Variants in CHD1L observed in about 807,000 individuals in gnomAD.
CHD1L encodes chromodomain helicase DNA binding protein 1 like.
In CHD1L, 118 loss-of-function variants were observed where a neutral mutation model predicts 115.9. The observed-to-expected ratio is 1.02, with a 90% confidence interval of 0.88 to 1.19. CHD1L has a LOEUF of 1.19. Ranked by LOEUF, CHD1L falls within the 50% of genes most tolerant of loss-of-function variation. The probability of loss-of-function intolerance (pLI) is 0.00; values close to 1 mark genes in which losing one functional copy is unlikely to be tolerated. For missense variants in CHD1L, 1,179 were observed against 1,065.3 expected, an observed-to-expected ratio of 1.11 and a Z score of -1.49; for synonymous variants, 411 against 387.1, an observed-to-expected ratio of 1.06 and a Z score of -0.72.
the CHD1L span, chr1:147,179,486 C>T: frequency 6.4e-7 from 1 of 1,572,586 alleles, no homozygotes; most frequent in Non-Finnish European, 8.8e-7. Context: ...TCTCTCCAGC[C>T]AACAAGAAGC....
intron 12 of CHD1L, among the ~76,000 whole-genome samples, chr1:147,275,041 A>G (rs936849951): frequency 3.2e-4 from 49 of 152,288 alleles, no homozygotes; most frequent in African/African-American, 1.2e-3. Flanking sequence ...AATCTAATCA[A>G]GGTTTTTAAG....
chr1:147,184,374 A>G, the CHD1L span: 1 of 1,104,308 alleles, frequency 9.1e-7, no homozygotes, highest in South Asian at 2.8e-5. This position sits in a 1 kb window ranked among gnomAD's most constrained non-coding sequence, Gnocchi z 4.4. Context: ...CAACTAATAA[A>G]CCAATATTGA....
chr1:147,174,000 A>G, the CHD1L span, among the ~76,000 whole-genome samples: 1 of 152,238 alleles, frequency 6.6e-6, no homozygotes, highest in African/African-American at 2.4e-5. Flanking sequence ...GGGAACCCCA[A>G]GTTACATAGG....
At chr1:147,232,808 G>T in the CHD1L span, among the ~76,000 whole-genome samples, 1 of 152,170 alleles carries the variant, frequency 6.6e-6, no homozygotes, top group Admixed American at 6.5e-5. Flanking sequence ...GTGCTCAATG[G>T]TGCCCAGGCT....
At chr1:147,184,754 C>T in the CHD1L span, 43 of 1,185,662 alleles carry the variant, frequency 3.6e-5, no homozygotes, top group African/African-American at 3.2e-5. The surrounding 1 kb of genome is among the most constrained non-coding windows in gnomAD (Gnocchi z 4.4). Context: ...ATAACCTAGC[C>T]GAGATAGTGT....
the CHD1L span, chr1:147,224,137 C>T: frequency 3.2e-6 from 1 of 311,184 alleles, no homozygotes; most frequent in Non-Finnish European, 6.4e-6. Flanking sequence ...GTCTAGTCCA[C>T]AGGAAGACCT....
chr1:147,216,417 T>G, the CHD1L span, among the ~76,000 whole-genome samples: 2 of 152,116 alleles, frequency 1.3e-5, no homozygotes, highest in Non-Finnish European at 2.9e-5. Context: ...CACTGAGTAA[T>G]AGTCTTTTAA....
At chr1:147,247,182 T>G (rs1666890591) in intron 1 of CHD1L, among the ~76,000 whole-genome samples, 1 of 152,226 alleles carries the variant, frequency 6.6e-6, no homozygotes, top group Non-Finnish European at 1.5e-5. Flanking sequence ...TCAGAGAACA[T>G]ACTCTGTACA....
chr1:147,178,761 G>A, the CHD1L span: 2 of 1,599,170 alleles, frequency 1.3e-6, no homozygotes, highest in African/African-American at 1.3e-5. Context: ...ACAAGTTGGA[G>A]GACAAGACTG....
At chr1:147,277,568 G>C (rs1426658167) in intron 14 of CHD1L, among the ~76,000 whole-genome samples, 1 of 152,102 alleles carries the variant, frequency 6.6e-6, no homozygotes, top group Non-Finnish European at 1.5e-5. Context: ...TATCTTAGGG[G>C]GTAGGTGTGG....
the CHD1L span, among the ~76,000 whole-genome samples, chr1:147,203,089 T>C: frequency 6.7e-6 from 1 of 148,770 alleles, no homozygotes; most frequent in Admixed American, 6.9e-5. Flanking sequence ...ATTCCATACT[T>C]TTTATTTAGT....
chr1:147,245,850 C>T (rs922719074), intron 1 of CHD1L, among the ~76,000 whole-genome samples: 2 of 152,106 alleles, frequency 1.3e-5, no homozygotes, highest in African/African-American at 2.4e-5. Flanking sequence ...AGAAATAATA[C>T]GGAAGGATCC....
chr1:147,192,890 G>C, the CHD1L span, among the ~76,000 whole-genome samples: 1 of 152,154 alleles, frequency 6.6e-6, no homozygotes, highest in Non-Finnish European at 1.5e-5. Context: ...TAAGCTTTTT[G>C]ATGAGCTGCT....
chr1:147,290,945 G>A (rs191281124), intron 19 of CHD1L, among the ~76,000 whole-genome samples: 2 of 152,238 alleles, frequency 1.3e-5, no homozygotes, highest in East Asian at 3.9e-4. Context: ...GAGTCACTGT[G>A]CTCGGCCATA....
At chr1:147,276,810 C>G (rs1678647060) in intron 14 of CHD1L, among the ~76,000 whole-genome samples, 1 of 152,152 alleles carries the variant, frequency 6.6e-6, no homozygotes, top group African/African-American at 2.4e-5. Context: ...TAGAGTTACT[C>G]TGTAGCAGCC....
the CHD1L span, among the ~76,000 whole-genome samples, chr1:147,219,915 C>A: frequency 6.6e-6 from 1 of 150,922 alleles, no homozygotes; most frequent in African/African-American, 2.4e-5. Flanking sequence ...CTCGGCTCAC[C>A]ACAACCCCTG....
chr1:147,198,872 A>AAAAAAAAG, the CHD1L span, among the ~76,000 whole-genome samples: 10 of 144,664 alleles, frequency 6.9e-5, no homozygotes, highest in South Asian at 2.3e-4. Flanking sequence ...AAAAAAAAAA[A>AAAAAAAAG]AAAGAAAGAA....
the CHD1L span, among the ~76,000 whole-genome samples, chr1:147,216,097 G>C: frequency 6.6e-6 from 1 of 152,132 alleles, no homozygotes; most frequent in Non-Finnish European, 1.5e-5. Context: ...CCTTCCCCTT[G>C]AATCTCAGTT....
chr1:147,262,023 G>T (rs190801217), intron 6 of CHD1L, among the ~76,000 whole-genome samples: 1 of 151,800 alleles, frequency 6.6e-6, no homozygotes, highest in Admixed American at 6.6e-5. Context: ...GTGAAACCCC[G>T]TCTCTACTAA....
Sources: allele counts gnomAD v4.1 joint callset (sites outside exome capture counted in the v4.1 genomes callset), GRCh38; gene constraint gnomAD v4.1.1; non-coding constraint Gnocchi (gnomAD v3.1); transcripts MANE v1.5; gene names NCBI Gene and HGNC (gene_info 2026-07-23, HGNC 2026-07-21).